Variants in APBA1 observed in about 807,000 individuals in gnomAD.
APBA1 encodes the protein amyloid beta precursor protein binding family A member 1, also known as amyloid-beta A4 precursor protein-binding family A member 1.
APBA1 carries 55 observed loss-of-function variants against 86.6 expected under a neutral mutation model. The ratio of observed to expected loss-of-function variants is 0.64; its 90% CI spans 0.51 to 0.80. The LOEUF (loss-of-function observed/expected upper bound fraction) is 0.80. Ranked by LOEUF, APBA1 falls within the 30% of genes least tolerant of loss-of-function variation. The pLI, the probability that APBA1 is intolerant of heterozygous loss-of-function variation, is 0.00. For missense variants in APBA1, 1,090 were observed against 1,183.0 expected (o/e 0.92, Z 1.15); for synonymous variants, 511 against 493.9 (o/e 1.03, Z -0.46).
intron 1 of APBA1, among the ~76,000 whole-genome samples, chr9:69,561,611 C>G (rs138749895): frequency 3.9e-5 from 6 of 151,992 alleles, no homozygotes; most frequent in East Asian, 1.9e-4. Flanking sequence ...ATCTGCCAAA[C>G]CTACTCCTTA....
At chr9:69,484,883 C>G (rs554206629) in intron 2 of APBA1, among the ~76,000 whole-genome samples, 2 of 152,216 alleles carry the variant, frequency 1.3e-5, no homozygotes, top group African/African-American at 4.8e-5. Context: ...CCAATGCTTT[C>G]TTCATTTTTC....
At chr9:69,445,883 C>T (rs538883832) in intron 10 of APBA1, among the ~76,000 whole-genome samples, 267 of 152,288 alleles carry the variant, frequency 1.8e-3, no homozygotes, top group African/African-American at 6.0e-3. Context: ...GTGATGCCAT[C>T]CCCGCCGCAA....
At chr9:69,499,266 C>T (rs1284835066) in intron 2 of APBA1, among the ~76,000 whole-genome samples, 1 of 152,086 alleles carries the variant, frequency 6.6e-6, no homozygotes, top group Non-Finnish European at 1.5e-5. Flanking sequence ...TATCCTAGAA[C>T]CACCCTTCTT....
rs552304140 is a variant in APBA1 at position 69,546,526 on chromosome 9, A to T, written c.-69-29247T>A. On this transcript the variant is annotated intron_variant, in intron 1 of 12. Transcript: ENST00000265381. Reference sequence around the variant, plus strand: ...ACAGATCCATTCCTAGGGTCTGGCCATCCTCTTTTCTGAGAGGTCTTTCTA... The same window carrying T: ...ACAGATCCATTCCTAGGGTCTGGCCTTCCTCTTTTCTGAGAGGTCTTTCTA... Among the ~76,000 whole-genome samples the T allele has an allele frequency of 2.6e-5, 4 of 152,354 alleles. No homozygotes were observed. In the South Asian group the frequency reaches 8.3e-4, roughly 32 times the overall value.
chr9:69,483,735 A>T (rs776019844), intron 2 of APBA1, among the ~76,000 whole-genome samples: 16 of 151,914 alleles, frequency 1.1e-4, no homozygotes, highest in Non-Finnish European at 5.9e-5. Context: ...CAACGAACAA[A>T]CCCCTTAAAC....
intron 11 of APBA1, 97 bp downstream of exon 11, chr9:69,440,899 C>G (rs1027689331): frequency 6.9e-7 from 1 of 1,440,996 alleles, no homozygotes. Flanking sequence ...TAGACTGGAG[C>G]TGTTCCTATT....
chr9:69,452,420 C>A, intron 8 of APBA1, 119 bp from the exon 9 acceptor site: 2 of 957,730 alleles, frequency 2.1e-6, no homozygotes, highest in Non-Finnish European at 3.1e-6. Flanking sequence ...CTAGACATCA[C>A]GCCTGCTGGG....
At chr9:69,560,428 G>A (rs1453652057) in intron 1 of APBA1, among the ~76,000 whole-genome samples, 2 of 152,174 alleles carry the variant, frequency 1.3e-5, no homozygotes, top group African/African-American at 4.8e-5. Flanking sequence ...GAGCCCTGAA[G>A]TTATGGAGAC....
intron 1 of APBA1, among the ~76,000 whole-genome samples, chr9:69,568,499 G>C (rs1681604521): frequency 6.6e-6 from 1 of 152,128 alleles, no homozygotes; most frequent in Admixed American, 6.5e-5. Context: ...CCACCATGAA[G>C]AGAACCAACC....
At chr9:69,432,972 C>T (rs767771971) in intron 11 of APBA1, among the ~76,000 whole-genome samples, 1 of 152,202 alleles carries the variant, frequency 6.6e-6, no homozygotes, top group South Asian at 2.1e-4. Context: ...CCATTTGGGT[C>T]TGTCGCAGAG....
chr9:69,537,867 T>C (rs2133914311), intron 1 of APBA1, among the ~76,000 whole-genome samples: 1 of 152,182 alleles, frequency 6.6e-6, no homozygotes, highest in Middle Eastern at 3.4e-3. Flanking sequence ...GCAAATGTTT[T>C]CCCCCAGTGT....
intron 11 of APBA1, among the ~76,000 whole-genome samples, chr9:69,434,204 AGGGT>A: frequency 6.6e-6 from 1 of 152,186 alleles, no homozygotes; most frequent in African/African-American, 2.4e-5. Context: ...CTGTGCAGCC[AGGGT>A]GGACAGTCCA....
At chr9:69,515,939 C>A in intron 2 of APBA1, 72 bp downstream of exon 2, 7 of 1,448,520 alleles carry the variant, frequency 4.8e-6, no homozygotes, top group Non-Finnish European at 6.5e-6. Context: ...CCCAAGGGCA[C>A]ACAAGGCCAT....
chr9:69,651,708 T>G (rs1823506926), intron 1 of APBA1, among the ~76,000 whole-genome samples: 1 of 152,208 alleles, frequency 6.6e-6, no homozygotes, highest in Non-Finnish European at 1.5e-5. Flanking sequence ...ACTCCTGACC[T>G]CAGGTGATCC....
At chr9:69,555,042 A>C (rs1836841346) in intron 1 of APBA1, among the ~76,000 whole-genome samples, 1 of 152,210 alleles carries the variant, frequency 6.6e-6, no homozygotes, top group Non-Finnish European at 1.5e-5. Flanking sequence ...ACATTCCCAT[A>C]ATTCAGGCAT....
chr9:69,578,554 C>A (rs145181204), intron 1 of APBA1, among the ~76,000 whole-genome samples: 7 of 152,268 alleles, frequency 4.6e-5, no homozygotes, highest in South Asian at 2.1e-4. Flanking sequence ...CAATGTTTTA[C>A]AGACTTTAAA....
chr9:69,460,209 C>A (rs1466867371), intron 5 of APBA1, among the ~76,000 whole-genome samples: 2 of 152,218 alleles, frequency 1.3e-5, no homozygotes, highest in Non-Finnish European at 2.9e-5. Context: ...GAAACCAGGG[C>A]AACCACACTC....
intron 2 of APBA1, among the ~76,000 whole-genome samples, chr9:69,490,442 C>T (rs191461762): frequency 6.6e-5 from 10 of 151,234 alleles, no homozygotes; most frequent in East Asian, 1.9e-4. Flanking sequence ...ACCTGCACAT[C>T]GTGTACATGT....
At chr9:69,447,106 A>C (rs745621757) in intron 10 of APBA1, among the ~76,000 whole-genome samples, 17 of 152,068 alleles carry the variant, frequency 1.1e-4, no homozygotes, top group South Asian at 2.1e-4. Flanking sequence ...ACCAAAAGAG[A>C]GCTTGCTGGG....
Sources: allele counts gnomAD v4.1 joint callset (sites outside exome capture counted in the v4.1 genomes callset), GRCh38; gene constraint gnomAD v4.1.1; transcripts MANE v1.5; gene names NCBI Gene and HGNC (gene_info 2026-07-23, HGNC 2026-07-21).